ST8SIA6: variants seen among roughly 807,000 people sequenced by gnomAD.
ST8SIA6 encodes the protein alpha-2,8-sialyltransferase 8F.
Under a neutral mutation model 33.6 loss-of-function variants are expected in ST8SIA6, and 39 were observed. The observed-to-expected ratio is 1.16, with a 90% confidence interval of 0.90 to 1.52. The LOEUF is 1.52. Ranked by LOEUF, ST8SIA6 falls within the 40% of genes most tolerant of loss-of-function variation. The pLI, the probability that ST8SIA6 is intolerant of heterozygous loss-of-function variation, is 0.00. For synonymous variants in ST8SIA6, 172 were observed against 167.2 expected (o/e 1.03, Z -0.22); for missense variants, 441 against 443.8 (o/e 0.99, Z 0.06).
intron 2 of ST8SIA6, among the ~76,000 whole-genome samples, chr10:17,417,844 G>A (rs1042179223): frequency 2.6e-5 from 4 of 152,158 alleles, no homozygotes; most frequent in African/African-American, 9.7e-5. Flanking sequence ...GATAGAACCT[G>A]AAAGGCTTAG....
At chr10:17,428,139 A>G (rs76914748) in intron 2 of ST8SIA6, among the ~76,000 whole-genome samples, 4,529 of 152,296 alleles carry the variant, frequency 0.03, 67 homozygotes, top group South Asian at 0.055. Context: ...ATCTCCCTCA[A>G]TGCCCATTTC....
At chr10:17,345,964 G>A (rs1478726646) in intron 4 of ST8SIA6, among the ~76,000 whole-genome samples, 1 of 152,190 alleles carries the variant, frequency 6.6e-6, no homozygotes, top group Non-Finnish European at 1.5e-5. Context: ...CTTAGGAAGT[G>A]CTTGAACCAG....
At chr10:17,434,392 C>T (rs45567333) in intron 2 of ST8SIA6, among the ~76,000 whole-genome samples, 5,907 of 152,232 alleles carry the variant, frequency 0.039, 165 homozygotes, top group South Asian at 0.056. Context: ...CCTGTTGGTA[C>T]CCAGGCTCTA....
chr10:17,374,305 T>C (rs1385536586), intron 3 of ST8SIA6, among the ~76,000 whole-genome samples: 4 of 152,176 alleles, frequency 2.6e-5, no homozygotes, highest in Non-Finnish European at 4.4e-5. Flanking sequence ...TAGACTGTAG[T>C]TGTTTTTCAT....
In ST8SIA6 at chr10:17,453,606, C is replaced by A; in HGVS notation, c.153G>T (p.Leu51=). The change falls in exon 2 of 8, where the codon CTG becomes CTT. Residue 51 remains leucine, a synonymous_variant. Transcript: ENST00000377602. ...REATHGTPAA[L]RTLRSPATAV... is the part of the protein sequence containing the mutation. ...CGGTCGCCGGGCTCCGGAGCGTCCTCAGCGCTGCGGGGGTGCCGTGGGTGG... is the reference window on the plus strand; with the variant it reads ...CGGTCGCCGGGCTCCGGAGCGTCCTAAGCGCTGCGGGGGTGCCGTGGGTGG... 7.5e-7 allele frequency: 1 copy of A among 1,332,860 alleles called. No individual in the cohort carries two copies. The highest frequency in any genetic ancestry group is 1.5e-5 in the African/African-American group (1 of 66,706). The allele number at this position is 1,332,860 out of a possible 1,614,324, so 82.6% of individuals were successfully genotyped here. A position where few individuals can be genotyped will look rare whatever the true frequency, so the allele number is the denominator to read the frequency against.
chr10:17,332,767 G>A (rs531650103), intron 4 of ST8SIA6, among the ~76,000 whole-genome samples: 2 of 152,282 alleles, frequency 1.3e-5, no homozygotes, highest in African/African-American at 4.8e-5. Context: ...TGATGGGCCT[G>A]AGATGGTATT....
chr10:17,433,837 G>GC (rs1179098346), intron 2 of ST8SIA6, among the ~76,000 whole-genome samples: 2 of 152,064 alleles, frequency 1.3e-5, no homozygotes, highest in African/African-American at 2.4e-5. Context: ...TTGTTTTCTA[G>GC]CCCCCCTATC....
At chr10:17,443,510 A>C (rs571816979) in intron 2 of ST8SIA6, among the ~76,000 whole-genome samples, 1 of 152,350 alleles carries the variant, frequency 6.6e-6, no homozygotes, top group South Asian at 2.1e-4. Flanking sequence ...GCAAGATAAC[A>C]AAAATTGTTT....
At chr10:17,415,444 A>G (rs1851571717) in intron 2 of ST8SIA6, among the ~76,000 whole-genome samples, 1 of 152,140 alleles carries the variant, frequency 6.6e-6, no homozygotes, top group African/African-American at 2.4e-5. Flanking sequence ...ATGACACACC[A>G]GGAGTCCAGA....
chr10:17,435,935 C>A (rs1852240415), intron 2 of ST8SIA6, among the ~76,000 whole-genome samples: 1 of 152,094 alleles, frequency 6.6e-6, no homozygotes, highest in African/African-American at 2.4e-5. Flanking sequence ...CTTGCCATAC[C>A]CAAATAAATC....
chr10:17,436,430 G>A (rs916309225), intron 2 of ST8SIA6, among the ~76,000 whole-genome samples: 3 of 151,948 alleles, frequency 2.0e-5, no homozygotes, highest in African/African-American at 7.3e-5. Flanking sequence ...GTGCAGGTTT[G>A]TTACATATGT....
Position 17,390,581 on chromosome 10 carries a change from T to C in ST8SIA6, c.240A>G (p.Lys80=). The change falls in exon 3 of 8, where the codon AAA becomes AAG. Residue 80 remains lysine, a synonymous_variant. Transcript: ENST00000377602. ...CAATGCCATATTGCAGATTTTTGCATTTCTCCGTCAGTTGGAGCGACTTCT... is the reference window on the plus strand; with the variant it reads ...CAATGCCATATTGCAGATTTTTGCACTTCTCCGTCAGTTGGAGCGACTTCT... ...LNEKSLQLTE[K]CKNLQYGIES... is the part of the protein sequence containing the mutation. 1.2e-6 allele frequency: 2 copies of C among 1,614,082 alleles called. No homozygotes were observed. The highest frequency in any genetic ancestry group is 2.2e-5 in the South Asian group (2 of 91,054).
intron 2 of ST8SIA6, among the ~76,000 whole-genome samples, chr10:17,421,410 G>A (rs999041572): frequency 6.6e-5 from 10 of 152,156 alleles, no homozygotes; most frequent in Non-Finnish European, 1.5e-4. Context: ...ACAGCAGTCC[G>A]TAATACAAAA....
intron 2 of ST8SIA6, among the ~76,000 whole-genome samples, chr10:17,409,138 C>A (rs900322852): frequency 1.3e-5 from 2 of 152,028 alleles, no homozygotes. Context: ...TGACTCCATG[C>A]TAATTTGAGT....
At chr10:17,393,173 G>A (rs914539020) in intron 2 of ST8SIA6, among the ~76,000 whole-genome samples, 7 of 152,122 alleles carry the variant, frequency 4.6e-5, no homozygotes, top group African/African-American at 1.7e-4. Flanking sequence ...TTCAGACTGG[G>A]ACTTACACTG....
At chr10:17,425,755 G>A (rs1851919340) in intron 2 of ST8SIA6, among the ~76,000 whole-genome samples, 1 of 151,314 alleles carries the variant, frequency 6.6e-6, no homozygotes, top group African/African-American at 2.4e-5. Context: ...AAGGAAGGGA[G>A]AGAAAGAAAG....
intron 2 of ST8SIA6, among the ~76,000 whole-genome samples, chr10:17,422,076 T>C (rs1040738373): frequency 3.9e-5 from 6 of 152,040 alleles, no homozygotes; most frequent in Non-Finnish European, 2.9e-5. Flanking sequence ...ATCCTAAATC[T>C]GCATCAATAA....
At chr10:17,382,264 T>A (rs973101716) in intron 3 of ST8SIA6, among the ~76,000 whole-genome samples, 38 of 152,118 alleles carry the variant, frequency 2.5e-4, no homozygotes, top group African/African-American at 8.2e-4. Context: ...ATTTTTTTTT[T>A]AATTAAGTTT....
intron 2 of ST8SIA6, among the ~76,000 whole-genome samples, chr10:17,446,862 A>G (rs1183864439): frequency 1.3e-5 from 2 of 151,396 alleles, no homozygotes; most frequent in Non-Finnish European, 2.9e-5. Context: ...CAGGAGTTCA[A>G]GACTGGCCTG....
Sources: allele counts gnomAD v4.1 joint callset (sites outside exome capture counted in the v4.1 genomes callset), GRCh38; gene constraint gnomAD v4.1.1; transcripts MANE v1.5; gene names NCBI Gene and HGNC (gene_info 2026-07-23, HGNC 2026-07-21).